SV2C: variants seen among roughly 807,000 people sequenced by gnomAD.
SV2C encodes the protein solute carrier family 22 member B3.
SV2C carries 49 observed loss-of-function variants against 79.7 expected under a neutral mutation model. The observed-to-expected ratio is 0.61, with a 90% CI of 0.49 to 0.78. The LOEUF is 0.78. SV2C is among the 30% of genes least tolerant of loss of function. The pLI is 0.00. For synonymous variants in SV2C, 334 were observed against 333.2 expected (o/e 1.00, Z -0.03); for missense variants, 833 against 912.9 (o/e 0.91, Z 1.13).
the SV2C span, among the ~76,000 whole-genome samples, chr5:75,902,090 A>C: frequency 3.3e-5 from 5 of 152,104 alleles, no homozygotes; most frequent in Non-Finnish European, 7.3e-5. Context: ...GGTGTGCTGC[A>C]CCCACTGACC....
chr5:75,870,653 G>C, the SV2C span, among the ~76,000 whole-genome samples: 3 of 152,256 alleles, frequency 2.0e-5, no homozygotes, highest in African/African-American at 7.2e-5. Flanking sequence ...CAATATCCAA[G>C]TACAAGAAGG....
intron 2 of SV2C, among the ~76,000 whole-genome samples, chr5:76,185,445 G>C (rs1743884898): frequency 6.6e-6 from 1 of 152,190 alleles, no homozygotes; most frequent in South Asian, 2.1e-4. Context: ...CTCCATGAGG[G>C]CTCTGCCCTT....
At chr5:76,246,647 T>TCACACA (rs1745955897) in intron 4 of SV2C, among the ~76,000 whole-genome samples, 1 of 151,512 alleles carries the variant, frequency 6.6e-6, no homozygotes, top group South Asian at 2.1e-4. Context: ...ACACTCACAC[T>TCACACA]CACACACACA....
At chr5:76,213,162 T>C (rs55740011) in intron 4 of SV2C, among the ~76,000 whole-genome samples, 6,073 of 152,262 alleles carry the variant, frequency 0.04, 396 homozygotes, top group African/African-American at 0.14. Context: ...AGGCTTTCCA[T>C]GGCCAGAAGT....
intron 3 of SV2C, among the ~76,000 whole-genome samples, chr5:76,196,999 T>G (rs1387156729): frequency 6.6e-6 from 1 of 152,204 alleles, no homozygotes; most frequent in Non-Finnish European, 1.5e-5. Flanking sequence ...TGCAGACAAA[T>G]CATTCTTCAG....
chr5:76,227,235 T>C (rs532963407), intron 4 of SV2C, among the ~76,000 whole-genome samples: 1 of 152,212 alleles, frequency 6.6e-6, no homozygotes, highest in Admixed American at 6.5e-5. Context: ...GAAGACCCCA[T>C]AGTGAACAAG....
chr5:76,122,389 C>G (rs1371193027), intron 1 of SV2C, among the ~76,000 whole-genome samples: 1 of 151,524 alleles, frequency 6.6e-6, no homozygotes, highest in African/African-American at 2.4e-5. Context: ...TTGCCCTGGC[C>G]AGAACTTCCA....
chr5:76,219,839 G>T (rs535014358), intron 4 of SV2C, among the ~76,000 whole-genome samples: 1 of 152,336 alleles, frequency 6.6e-6, no homozygotes, highest in South Asian at 2.1e-4. Flanking sequence ...GCCAATTATT[G>T]TGGAATTGAA....
At chr5:75,914,634 A>G in the SV2C span, among the ~76,000 whole-genome samples, 1 of 152,214 alleles carries the variant, frequency 6.6e-6, no homozygotes, top group African/African-American at 2.4e-5. Flanking sequence ...TTAATAGGAG[A>G]GAGTACAATT....
rs1351298346 is a variant in SV2C, at chr5:76,254,255, T to TAG, written c.914-30906_914-30905insGA. Reference sequence around the variant, plus strand: ...ATGTGTGTGTGTATATATATATATATATAGAGAGAGAGAGAGAGATATTAA... The same window carrying TAG: ...ATGTGTGTGTGTATATATATATATATAGATAGAGAGAGAGAGAGAGATATTAA... On this transcript the variant is annotated intron_variant, in intron 4 of 12. Coordinates refer to ENST00000502798, the MANE Select transcript of SV2C (RefSeq NM_014979.4). Among the ~76,000 whole-genome samples, 1,246 of 147,786 alleles carry TAG rather than the reference T, an allele frequency of 8.4e-3. 14 individuals are homozygous for TAG. Among genetic ancestry groups the TAG allele is most frequent in the South Asian group, 0.032 (153 of 4,728 alleles).
At chr5:76,266,997 G>C (rs1746681972) in intron 4 of SV2C, among the ~76,000 whole-genome samples, 1 of 152,160 alleles carries the variant, frequency 6.6e-6, no homozygotes, top group South Asian at 2.1e-4. Context: ...CAGCTAGCAG[G>C]CATCTGTTGG....
intron 2 of SV2C, among the ~76,000 whole-genome samples, chr5:76,172,112 TGGG>T (rs1260971765): frequency 1.4e-4 from 3 of 21,894 alleles, no homozygotes; most frequent in African/African-American, 3.6e-4. Context: ...GGGAGGGAGG[TGGG>T]GGGGTCAGCC....
the SV2C span, among the ~76,000 whole-genome samples, chr5:75,925,259 G>T: frequency 1.3e-5 from 2 of 152,186 alleles, no homozygotes; most frequent in South Asian, 4.1e-4. Flanking sequence ...TCAGCACAGA[G>T]GCACTTGAGC....
Position 76,285,832 on chromosome 5 carries a change from A to T in SV2C, c.1099A>T (p.Asn367Tyr), listed in dbSNP as rs1561298868. ...GATTCTGAAGTTAATTCATGACACC[A>T]ACATGAGAGCCCGGGGTCAGCCTGA... ...WMILKLIHDT[N>Y]MRARGQPEKV... The change falls in exon 6 of 13, where the codon AAC (asparagine) becomes TAC (tyrosine). Residue 367 changes from asparagine to tyrosine, a missense_variant. By Grantham distance (143) the Asn-to-Tyr change is moderately radical. Coordinates refer to ENST00000502798, the MANE Select transcript of SV2C (RefSeq NM_014979.4). 6.2e-7 allele frequency: 1 copy of T among 1,614,160 alleles called. No homozygotes were observed. Among genetic ancestry groups the T allele is most frequent in the South Asian group, 1.1e-5 (1 of 91,074 alleles).
chr5:76,103,276 T>G (rs1747801492), intron 1 of SV2C, among the ~76,000 whole-genome samples: 1 of 152,202 alleles, frequency 6.6e-6, no homozygotes, highest in African/African-American at 2.4e-5. Context: ...TGATGTATTA[T>G]TCACCTGCAT....
the SV2C span, among the ~76,000 whole-genome samples, chr5:75,885,843 G>A: frequency 3.3e-5 from 5 of 152,244 alleles, no homozygotes; most frequent in African/African-American, 1.2e-4. Flanking sequence ...CTCCAAGAAG[G>A]AGATTTGCAT....
rs202202483 is a variant in SV2C, at chr5:76,317,997, C to CA, written c.2001-7359dup. On this transcript the variant is annotated intron_variant, in intron 12 of 12. Coordinates refer to ENST00000502798, the MANE Select transcript of SV2C (RefSeq NM_014979.4). ...GTCCTTTTCTTCTTCCTAGGAGCCTCAAAAAAAACCCATATCTGGCCCTGC... is the reference window on the plus strand; with the variant it reads ...GTCCTTTTCTTCTTCCTAGGAGCCTCAAAAAAAAACCCATATCTGGCCCTGC... Among the ~76,000 whole-genome samples, 1,268 of 151,718 alleles carry CA rather than the reference C, an allele frequency of 8.4e-3. 12 individuals carry two copies. Among genetic ancestry groups the CA allele is most frequent in the African/African-American group, 0.024 (1,012 of 41,336 alleles).
chr5:76,132,807 A>G (rs906651071), intron 2 of SV2C, among the ~76,000 whole-genome samples: 3 of 152,160 alleles, frequency 2.0e-5, no homozygotes, highest in East Asian at 1.9e-4. Flanking sequence ...ATATTTTAGG[A>G]CCCTGATAAC....
Position 76,348,275 on chromosome 5 carries a change from T to C in SV2C, c.2001-4855T>C, listed in dbSNP as rs1314311671. ...TATTCATGGCTTGATACCTCATTTC[T>C]TTTTAGCACTGAATAGCATTCCACT... On this transcript the variant is annotated intron_variant, in intron 12 of 12. Coordinates refer to the SV2C transcript ENST00000322285. Among the ~76,000 whole-genome samples, 83 of 152,234 alleles carry C rather than the reference T, an allele frequency of 5.5e-4. 1 individual carries two copies. The highest frequency in any genetic ancestry group is 7.3e-5 in the Non-Finnish European group (5 of 68,036).
Sources: gnomAD v4.1 joint callset for allele counts (sites outside exome capture counted in the v4.1 genomes callset) on GRCh38, gnomAD v4.1.1 for gene constraint, MANE v1.5 for transcripts, NCBI Gene and HGNC (gene_info 2026-07-23, HGNC 2026-07-21) for gene names.